The following TMTC2 variants were observed in gnomAD, a reference collection of about 807,000 sequenced individuals.
The protein encoded by TMTC2 is protein O-mannosyl-transferase TMTC2.
A neutral mutation model predicts 82.4 loss-of-function variants in TMTC2; 43 were observed. The observed-to-expected ratio is 0.52, with a 90% CI of 0.41 to 0.67. The LOEUF is 0.67. Among genes scored for constraint, TMTC2 ranks in the 30% least tolerant of loss-of-function variants. The probability of loss-of-function intolerance (pLI) is 0.00; values close to 1 mark genes in which losing one functional copy is unlikely to be tolerated. For missense variants in TMTC2, 919 were observed against 1,012.4 expected (o/e 0.91, Z 1.25); for synonymous variants, 408 against 381.9 (o/e 1.07, Z -0.80).
chr12:83,114,329 G>A (rs745607812), intron 11 of TMTC2, among the ~76,000 whole-genome samples: 5 of 152,130 alleles, frequency 3.3e-5, no homozygotes, highest in Admixed American at 1.3e-4. Context: ...AAGGCCATGC[G>A]AAAACATAAT....
intron 1 of TMTC2, among the ~76,000 whole-genome samples, chr12:82,769,277 A>C (rs1877154502): frequency 6.6e-6 from 1 of 151,900 alleles, no homozygotes; most frequent in African/African-American, 2.4e-5. Context: ...GTTTGAGACC[A>C]GCCTGGCCAA....
intron 8 of TMTC2, among the ~76,000 whole-genome samples, chr12:82,992,478 A>G (rs773557664): frequency 2.6e-5 from 4 of 152,188 alleles, no homozygotes; most frequent in Non-Finnish European, 5.9e-5. Context: ...AATTTATTCT[A>G]TGAAAAAGTG....
At chr12:82,793,365 TTTC>T (rs1878558087) in intron 1 of TMTC2, among the ~76,000 whole-genome samples, 1 of 139,466 alleles carries the variant, frequency 7.2e-6, no homozygotes, top group Non-Finnish European at 1.6e-5. Flanking sequence ...CCCAGTCTTT[TTTC>T]TTTTTTTTTT....
chr12:82,687,772 G>A (rs1872395447), intron 1 of TMTC2, 103 bp downstream of exon 1: 1 of 1,109,042 alleles, frequency 9.0e-7, no homozygotes. Flanking sequence ...GGAGGAACTG[G>A]TTCAGCACCT....
chr12:83,013,389 A>G (rs1347830887), intron 8 of TMTC2, among the ~76,000 whole-genome samples: 1 of 152,122 alleles, frequency 6.6e-6, no homozygotes, highest in Non-Finnish European at 1.5e-5. Flanking sequence ...CACATAGCTT[A>G]TTCTACTCAT....
At chr12:82,778,880 G>A (rs1297975135) in intron 1 of TMTC2, among the ~76,000 whole-genome samples, 114 of 68,774 alleles carry the variant, frequency 1.7e-3, no homozygotes, top group African/African-American at 1.1e-3. Flanking sequence ...AAAAAAAAAT[G>A]CAAAAAATCA....
chr12:82,992,431 G>A (rs1879442438), intron 8 of TMTC2, among the ~76,000 whole-genome samples: 1 of 152,116 alleles, frequency 6.6e-6, no homozygotes, highest in Non-Finnish European at 1.5e-5. Context: ...TAATCTGATT[G>A]AGTAATTATT....
chr12:82,966,995 T>C lies in TMTC2; in HGVS notation c.1946T>C (p.Met649Thr), dbSNP rs1320985763. Residue 649 changes from methionine to threonine, a missense_variant and splice_region_variant, in exon 7 of 12, where the codon ATG becomes ACG. Physicochemically the swap from Met to Thr is moderately conservative, Grantham distance 81 (BLOSUM62 -1). Coordinates refer to ENST00000321196, the MANE Select transcript of TMTC2 (RefSeq NM_152588.3). ...GCCCCACAGAGCTTGTACAACATGA[T>C]GGGTAAGTAAAACATTAACACTTTT... Reference protein sequence around the residue: ...QFAPQSLYNMMGEAYMRLSKL... With the variant: ...QFAPQSLYNMTGEAYMRLSKL... The C allele has an allele frequency of 6.2e-7, 1 of 1,611,820 alleles. No homozygotes were observed. The highest frequency in any genetic ancestry group is 8.5e-7 in the Non-Finnish European group (1 of 1,178,550).
chr12:83,017,556 A>G (rs975463635), intron 8 of TMTC2, among the ~76,000 whole-genome samples: 3 of 152,222 alleles, frequency 2.0e-5, no homozygotes, highest in African/African-American at 7.2e-5. Flanking sequence ...TCATTAGTAC[A>G]GAATGTGAAC....
In TMTC2 at chr12:82,728,656, C is replaced by T. The variant is rs376129082; in HGVS notation, c.83+40987C>T. Among the ~76,000 whole-genome samples the T allele has an allele frequency of 2.4e-4, 36 of 152,352 alleles. 2 individuals are homozygous for T. Among genetic ancestry groups the T allele is most frequent in the African/African-American group, 7.7e-4 (32 of 41,598 alleles). On this transcript the variant is annotated intron_variant, in intron 1 of 11. Transcript: ENST00000321196. ...GCTCTGGGCACCTCCTCGGCCTTGG[C>T]GCCCACTCTGGTCACGCTTGAGGAG... is the stretch of plus-strand genomic sequence containing the variant.
At chr12:82,790,557 G>A (rs1050119312) in intron 1 of TMTC2, among the ~76,000 whole-genome samples, 3 of 151,900 alleles carry the variant, frequency 2.0e-5, no homozygotes, top group Non-Finnish European at 2.9e-5. Context: ...GGCCGGGCGC[G>A]GTGGCTTATG....
intron 4 of TMTC2, among the ~76,000 whole-genome samples, chr12:82,931,489 C>T (rs1359116677): frequency 6.6e-6 from 1 of 152,264 alleles, no homozygotes; most frequent in Non-Finnish European, 1.5e-5. Flanking sequence ...GCAAACCAAA[C>T]TCAAATCTCT....
At chr12:83,095,576 G>A (rs1884003387) in intron 11 of TMTC2, among the ~76,000 whole-genome samples, 1 of 152,124 alleles carries the variant, frequency 6.6e-6, no homozygotes, top group African/African-American at 2.4e-5. Flanking sequence ...GAAGGATAGA[G>A]TTGCTATATC....
intron 1 of TMTC2, among the ~76,000 whole-genome samples, chr12:82,768,121 G>A (rs916961405): frequency 6.6e-6 from 1 of 152,132 alleles, no homozygotes; most frequent in South Asian, 2.1e-4. Context: ...AACTTGTACA[G>A]GAGCGCTAAT....
At chr12:83,097,058 A>C (rs538416583) in intron 11 of TMTC2, among the ~76,000 whole-genome samples, 43 of 152,268 alleles carry the variant, frequency 2.8e-4, no homozygotes, top group African/African-American at 1.0e-3. Context: ...CATGTGGTCC[A>C]GTGTCTGTCC....
At chr12:83,061,253 C>T (rs1208982024) in intron 10 of TMTC2, among the ~76,000 whole-genome samples, 1 of 151,754 alleles carries the variant, frequency 6.6e-6, no homozygotes, top group East Asian at 1.9e-4. Flanking sequence ...GACACATAAT[C>T]TGGACTTTTT....
At chr12:83,119,011 T>C (rs1330961608) in intron 11 of TMTC2, among the ~76,000 whole-genome samples, 1 of 152,216 alleles carries the variant, frequency 6.6e-6, no homozygotes, top group Non-Finnish European at 1.5e-5. Context: ...ATCTTCTATT[T>C]CATTTCTTAT....
intron 1 of TMTC2, among the ~76,000 whole-genome samples, chr12:82,731,951 CTTG>C (rs1394128400): frequency 6.6e-6 from 1 of 152,136 alleles, no homozygotes; most frequent in Non-Finnish European, 1.5e-5. Context: ...TTTCTCCTTG[CTTG>C]TTGTCTCTTT....
At chr12:82,964,571 C>G (rs142239703) in intron 4 of TMTC2, among the ~76,000 whole-genome samples, 69 of 152,188 alleles carry the variant, frequency 4.5e-4, no homozygotes, top group African/African-American at 1.6e-3. Context: ...TACCTTTTGC[C>G]TTTCAGGCAG....
Sources: gnomAD v4.1 joint callset for allele counts (sites outside exome capture counted in the v4.1 genomes callset) on GRCh38, gnomAD v4.1.1 for gene constraint, MANE v1.5 for transcripts, NCBI Gene and HGNC (gene_info 2026-07-23, HGNC 2026-07-21) for gene names.